The following DRC9 variants were observed in gnomAD, a reference collection of about 807,000 sequenced individuals.
The protein encoded by DRC9 is dynein regulatory complex protein 9.
At chr3:197,930,708 C>T in the DRC9 span, among the ~76,000 whole-genome samples, 1 of 148,580 alleles carries the variant, frequency 6.7e-6, no homozygotes. Flanking sequence ...GCACTTTGGC[C>T]CGGGAGGCAG....
chr3:197,953,808 G>C, the DRC9 span: 1 of 638,276 alleles, frequency 1.6e-6, no homozygotes, highest in Non-Finnish European at 2.8e-6. Flanking sequence ...TATAGCTGCT[G>C]TATTTTACAG....
the DRC9 span, chr3:197,913,349 TGTGCGTGCGTGC>T: frequency 3.2e-5 from 6 of 187,994 alleles, no homozygotes; most frequent in Non-Finnish European, 6.2e-5. Flanking sequence ...TGCGTGCGTG[TGTGCGTGCGTGC>T]GTGTGTGCCA....
chr3:197,906,009 A>G, the DRC9 span, among the ~76,000 whole-genome samples: 8 of 148,716 alleles, frequency 5.4e-5, no homozygotes, highest in Non-Finnish European at 7.4e-5. Flanking sequence ...TAAATCTCAC[A>G]GTTGATGATT....
At chr3:197,912,614 T>C in the DRC9 span, 5 of 1,108,098 alleles carry the variant, frequency 4.5e-6, no homozygotes, top group South Asian at 6.6e-5. Context: ...TCTTTTTGTT[T>C]CCTCAGTATA....
chr3:197,937,746 G>A, the DRC9 span, among the ~76,000 whole-genome samples: 3 of 151,786 alleles, frequency 2.0e-5, no homozygotes, highest in Non-Finnish European at 2.9e-5. Flanking sequence ...CCAAAGTGCC[G>A]GGATTACAGG....
At chr3:197,927,448 A>G in the DRC9 span, among the ~76,000 whole-genome samples, 1 of 152,172 alleles carries the variant, frequency 6.6e-6, no homozygotes, top group Non-Finnish European at 1.5e-5. Flanking sequence ...CTGGTCTCGA[A>G]TTCCTGACGT....
chr3:197,901,693 G>A, the DRC9 span, among the ~76,000 whole-genome samples: 2 of 152,252 alleles, frequency 1.3e-5, no homozygotes, highest in Non-Finnish European at 2.9e-5. The surrounding 1 kb of genome is among the most constrained non-coding windows in gnomAD (Gnocchi z 4.4). Flanking sequence ...GTGGCTTGAA[G>A]GCCAGCTTAG....
the DRC9 span, chr3:197,955,886 C>G: frequency 3.2e-6 from 3 of 951,948 alleles, no homozygotes; most frequent in Non-Finnish European, 5.1e-6. Context: ...ATAGAGGTTG[C>G]TCAGCATTTT....
the DRC9 span, among the ~76,000 whole-genome samples, chr3:197,922,939 T>C: frequency 6.6e-6 from 1 of 152,082 alleles, no homozygotes; most frequent in Non-Finnish European, 1.5e-5. Context: ...CTAGTTTTCA[T>C]GAAGTTTCCC....
chr3:197,959,724 A>C, the DRC9 span: 3 of 152,860 alleles, frequency 2.0e-5, no homozygotes, highest in Non-Finnish European at 2.9e-5. Flanking sequence ...TGGAAACTAA[A>C]AGATGGAGTT....
the DRC9 span, among the ~76,000 whole-genome samples, chr3:197,930,078 G>C: frequency 6.6e-6 from 1 of 152,152 alleles, no homozygotes; most frequent in Non-Finnish European, 1.5e-5. Context: ...GAGAAGGCCA[G>C]GCACGGTGGT....
chr3:197,946,741 A>G, the DRC9 span, among the ~76,000 whole-genome samples: 1 of 152,252 alleles, frequency 6.6e-6, no homozygotes, highest in Admixed American at 6.5e-5. Flanking sequence ...TTGAAAAAGT[A>G]CTTCAGACTA....
At chr3:197,910,422 C>G in the DRC9 span, among the ~76,000 whole-genome samples, 1 of 152,196 alleles carries the variant, frequency 6.6e-6, no homozygotes, top group Non-Finnish European at 1.5e-5. Context: ...TGATAAATAT[C>G]CAACACCTGC....
At chr3:197,890,768 G>A in the DRC9 span, among the ~76,000 whole-genome samples, 1 of 152,126 alleles carries the variant, frequency 6.6e-6, no homozygotes, top group African/African-American at 2.4e-5. Flanking sequence ...ACTCCTTATG[G>A]GAAGCCCAAC....
At chr3:197,938,807 G>C in the DRC9 span, 14 of 1,531,996 alleles carry the variant, frequency 9.1e-6, no homozygotes, top group African/African-American at 1.8e-4. Flanking sequence ...CAATTAGAAA[G>C]AATTTTTTTA....
At chr3:197,904,346 G>T in the DRC9 span, among the ~76,000 whole-genome samples, 2 of 152,092 alleles carry the variant, frequency 1.3e-5, no homozygotes, top group African/African-American at 2.4e-5. Flanking sequence ...TTGGTTGGTG[G>T]AAATGTAAAT....
chr3:197,921,398 C>T, the DRC9 span, among the ~76,000 whole-genome samples: 5 of 1,652 alleles, frequency 3.0e-3, 1 homozygote, highest in Non-Finnish European at 1.1e-3. Context: ...TCTTCTTGGT[C>T]GACCCGACTA....
the DRC9 span, chr3:197,912,662 T>C: frequency 6.2e-7 from 1 of 1,607,088 alleles, no homozygotes. Context: ...ATAGAAAAGC[T>C]GTGGGGACCC....
chr3:197,889,807 T>C, the DRC9 span: 2 of 1,434,774 alleles, frequency 1.4e-6, no homozygotes, highest in Non-Finnish European at 1.9e-6. Context: ...AAGTAACTTC[T>C]GTCTGACAAA....
Sources: allele counts gnomAD v4.1 joint callset (sites outside exome capture counted in the v4.1 genomes callset), GRCh38; gene constraint gnomAD v4.1.1; non-coding constraint Gnocchi (gnomAD v3.1); transcripts MANE v1.5; gene names NCBI Gene and HGNC (gene_info 2026-07-23, HGNC 2026-07-21).